ZBTB34: variants seen among roughly 807,000 people sequenced by gnomAD.
ZBTB34 encodes zinc finger and BTB domain containing 34.
A neutral mutation model predicts 33.4 loss-of-function variants in ZBTB34; 1 was observed. The ratio of observed to expected loss-of-function variants is 0.03; its 90% CI spans 0.01 to 0.14. The LOEUF (loss-of-function observed/expected upper bound fraction) is 0.14, where lower values mean the gene tolerates loss of function less well. Ranked by LOEUF, ZBTB34 falls within the 10% of genes least tolerant of loss-of-function variation. The pLI, the probability that ZBTB34 is intolerant of heterozygous loss-of-function variation, is 1.00. For missense variants in ZBTB34, 406 were observed against 657.2 expected, an observed-to-expected ratio of 0.62 and a Z score of 4.18; for synonymous variants, 283 against 253.5, an observed-to-expected ratio of 1.12 and a Z score of -1.11.
Position 126,880,365 on chromosome 9 carries a change from G to A in ZBTB34, c.966G>A (p.Gly322=). ...CCATGCTGAGCTGTTTCCGAGGAGG[G>A]CGTGCCCGCCAGAAGCGGGCTTTGT... The change falls in exon 2 of 2, where the codon GGG becomes GGA. Residue 322 remains glycine, a synonymous_variant. Transcript: ENST00000319119. This position sits in a 1 kb window ranked among gnomAD's most constrained non-coding sequence, Gnocchi z 6.7. The A allele has an allele frequency of 1.9e-6, 3 of 1,613,856 alleles. No homozygotes were observed. Among genetic ancestry groups the A allele is most frequent in the Non-Finnish European group, 1.7e-6 (2 of 1,179,876 alleles).
intron 1 of ZBTB34, among the ~76,000 whole-genome samples, chr9:126,873,148 C>T (rs767552920): frequency 6.6e-5 from 10 of 152,118 alleles, no homozygotes; most frequent in Admixed American, 5.2e-4. Context: ...TTACGCACCC[C>T]GTGTCATGAG....
Position 126,871,154 on chromosome 9 carries a change from A to G in ZBTB34, c.-10-8236A>G, listed in dbSNP as rs76447512. Among the ~76,000 whole-genome samples the G allele has an allele frequency of 6.3e-3, 960 of 151,412 alleles. 40 individuals are homozygous for G. The East Asian group carries it at 0.1, about 16-fold the overall frequency. ...AAGTTGAGGCTACAGATTTACTTACATAAGAAAGCCAAGATGTAAGTGAGG... is the reference window on the plus strand; with the variant it reads ...AAGTTGAGGCTACAGATTTACTTACGTAAGAAAGCCAAGATGTAAGTGAGG... On this transcript the variant is annotated intron_variant, in intron 1 of 1. Transcript: ENST00000319119.
exon 2 of ZBTB34, chr9:126,881,173 C>T (rs1180423962): frequency 2.3e-6 from 1 of 433,184 alleles, no homozygotes; most frequent in African/African-American, 2.0e-5. Context: ...AACTCTTAAT[C>T]CAAAATCTGC....
intron 1 of ZBTB34, among the ~76,000 whole-genome samples, chr9:126,871,514 C>T (rs1235145193): frequency 2.6e-5 from 4 of 151,854 alleles, no homozygotes; most frequent in Non-Finnish European, 5.9e-5. Context: ...AGGCGCGTGC[C>T]ACCACACCCA....
At chr9:126,882,770 A>G (rs2033460590) in exon 2 of ZBTB34, 1 of 167,100 alleles carries the variant, frequency 6.0e-6, no homozygotes, top group Non-Finnish European at 1.5e-5. Flanking sequence ...GGCTCCTAAA[A>G]TACCAATGGT....
chr9:126,876,044 G>A (rs1260053045), intron 1 of ZBTB34, among the ~76,000 whole-genome samples: 1 of 150,674 alleles, frequency 6.6e-6, no homozygotes, highest in Non-Finnish European at 1.5e-5. Context: ...TTATGCTAAT[G>A]TGTGTTTTAA....
At position 126,881,064 on chromosome 9, in the gene ZBTB34, G is replaced by A. The variant is rs1337952488; in HGVS notation, c.*150G>A. ...GTTTCTGGATGGAACACTTCGTTGTGTTTATCCTTTCCCCTGCCCTCCCTC... is the reference window on the plus strand; with the variant it reads ...GTTTCTGGATGGAACACTTCGTTGTATTTATCCTTTCCCCTGCCCTCCCTC... On this transcript the variant is annotated 3_prime_UTR_variant, in exon 2 of 2. Coordinates refer to ENST00000319119, the Ensembl canonical transcript of ZBTB34. The A allele has an allele frequency of 1.7e-5, 15 of 901,498 alleles. No individual in the cohort carries two copies. The Admixed American group carries it at 4.5e-4, about 27-fold the overall frequency. 55.8% of individuals were successfully genotyped at this position (901,498 alleles called of 1,614,324 possible).
chr9:126,879,820 G>T lies in ZBTB34; in HGVS notation c.421G>T (p.Val141Phe). Residue 141 changes from valine (V) to phenylalanine (F), a missense_variant, in exon 2 of 2, where the codon GTT (valine) becomes TTT (phenylalanine). By Grantham distance (50) the Val-to-Phe change is conservative. This residue lies in a region of ZBTB34 where 137 missense variants were observed against 173.0 expected (regional missense o/e 0.79). Transcript: ENST00000319119. The surrounding 1 kb of genome is among the most constrained non-coding windows in gnomAD (Gnocchi z 6.4). Reference sequence around the variant, plus strand: ...AATCAGCGTTGGAGATGTTGACTCTGTTACCGTCGGTGCTGAAGAGAATCC... The same window carrying T: ...AATCAGCGTTGGAGATGTTGACTCTTTTACCGTCGGTGCTGAAGAGAATCC... 6.2e-7 allele frequency: 1 copy of T among 1,613,280 alleles called. No homozygotes were observed.
chr9:126,878,730 T>G (rs917111850), intron 1 of ZBTB34, among the ~76,000 whole-genome samples: 1 of 151,464 alleles, frequency 6.6e-6, no homozygotes, highest in East Asian at 1.9e-4. Flanking sequence ...TGTTTTGTTT[T>G]TTTTTTTTTT....
At chr9:126,861,097 C>T (rs1281833832) in intron 1 of ZBTB34, among the ~76,000 whole-genome samples, 2 of 152,094 alleles carry the variant, frequency 1.3e-5, no homozygotes, top group Admixed American at 6.5e-5. Context: ...AGCTTCCGGG[C>T]CCCTAGCCCT....
intron 1 of ZBTB34, chr9:126,863,671 T>C: frequency 4.1e-6 from 4 of 985,298 alleles, no homozygotes; most frequent in Non-Finnish European, 4.8e-6. Context: ...TTCTGGTTGA[T>C]GTTGATGGCA....
At chr9:126,878,701 A>G (rs1403984282) in intron 1 of ZBTB34, among the ~76,000 whole-genome samples, 1 of 151,446 alleles carries the variant, frequency 6.6e-6, no homozygotes, top group Non-Finnish European at 1.5e-5. Context: ...ACATTTTTAG[A>G]TGAATTTAGT....
intron 1 of ZBTB34, among the ~76,000 whole-genome samples, chr9:126,873,985 G>A (rs991497114): frequency 6.9e-6 from 1 of 145,882 alleles, no homozygotes; most frequent in Non-Finnish European, 1.5e-5. Context: ...GCGTTTTTCA[G>A]TTGTTACATT....
intron 1 of ZBTB34, among the ~76,000 whole-genome samples, chr9:126,862,111 G>A (rs1477740670): frequency 6.6e-6 from 1 of 152,188 alleles, no homozygotes; most frequent in South Asian, 2.1e-4. Context: ...TGTAGGCCGA[G>A]TGGTTAGGGA....
In ZBTB34 at chr9:126,879,740, A is replaced by G. The variant is rs2033408001; in HGVS notation, c.341A>G (p.Gln114Arg). The G allele has an allele frequency of 6.2e-7, 1 of 1,613,538 alleles. No individual in the cohort carries two copies. Among genetic ancestry groups the G allele is most frequent in the Non-Finnish European group, 8.5e-7 (1 of 1,179,894 alleles). The change falls in exon 2 of 2, where the codon CAG becomes CGG. Residue 114 changes from glutamine (Q) to arginine (R), a missense_variant. Around this residue, in one of 6 missense-constraint regions of ZBTB34, gnomAD observed 50 missense variants for 157.9 expected, o/e 0.32. Coordinates refer to ENST00000319119, the Ensembl canonical transcript of ZBTB34. The surrounding 1 kb of genome is among the most constrained non-coding windows in gnomAD (Gnocchi z 6.4). The stretch of plus-strand genomic sequence containing the variant: ...TTTCTGACTGCAGCCAGCTTTCTTC[A>G]GATGCAGTGTGTCATTGACAAGTGC...
At chr9:126,884,750 A>G (rs918401852) in exon 2 of ZBTB34, 1 of 167,054 alleles carries the variant, frequency 6.0e-6, no homozygotes, top group South Asian at 2.1e-4. Context: ...GCTGGGGGGA[A>G]AATCATCTAT....
rs529475015 is a variant in ZBTB34 at position 126,884,061 on chromosome 9, CAG to C, written c.*3149_*3150del. On this transcript the variant is annotated 3_prime_UTR_variant, in exon 2 of 2. Coordinates refer to ENST00000319119, the Ensembl canonical transcript of ZBTB34. ...TTTAGGTTAGGTGTTTCATTTATAA[CAG>C]ATGCAGAAATCAATTAAGATAAAGT... The C allele has an allele frequency of 1.2e-3, 199 of 167,190 alleles. 1 individual carries two copies. Among genetic ancestry groups the C allele is most frequent in the African/African-American group, 4.6e-3 (191 of 41,580 alleles). 10.4% of individuals were successfully genotyped at this position (167,190 alleles called of 1,614,324 possible).
rs1256327732 is a variant in ZBTB34 at position 126,879,926 on chromosome 9, G to A, written c.527G>A (p.Arg176Gln). ...TCTCCTCCATATTGCTCTCAGGGAC[G>A]GCAGCCCACCGCAAGCAGTGACCTC... The change falls in exon 2 of 2, where the codon CGG becomes CAG. Residue 176 changes from arginine (R) to glutamine (Q), a missense_variant. Coordinates refer to ENST00000319119, the Ensembl canonical transcript of ZBTB34. The surrounding 1 kb of genome is among the most constrained non-coding windows in gnomAD (Gnocchi z 6.4). The A allele has an allele frequency of 9.3e-6, 15 of 1,610,664 alleles. No homozygotes were observed. In the East Asian group the frequency reaches 1.3e-4, roughly 14 times the overall value.
At chr9:126,883,334 G>A (rs1371714503) in exon 2 of ZBTB34, 1 of 167,076 alleles carries the variant, frequency 6.0e-6, no homozygotes, top group Non-Finnish European at 1.5e-5. Context: ...GGGGCCTCCA[G>A]CGAGGTTTCC....
Sources: allele counts gnomAD v4.1 joint callset (sites outside exome capture counted in the v4.1 genomes callset), GRCh38; gene constraint gnomAD v4.1.1; regional missense constraint gnomAD v4.1.1; non-coding constraint Gnocchi (gnomAD v3.1); transcripts MANE v1.5; gene names NCBI Gene and HGNC (gene_info 2026-07-23, HGNC 2026-07-21).